Variants in TEX48 observed in about 807,000 individuals in gnomAD.
The protein encoded by TEX48 is testis expressed 48.
Under a neutral mutation model 13.2 loss-of-function variants are expected in TEX48, and 10 were observed. That is an observed-to-expected ratio of 0.75 (90% confidence interval 0.47 to 1.28). TEX48 has a LOEUF of 1.28. TEX48 is among the 50% of genes most tolerant of loss of function. The pLI is 0.00. For missense variants in TEX48, 116 were observed against 139.4 expected (o/e 0.83, Z 0.84); for synonymous variants, 45 against 52.3 (o/e 0.86, Z 0.60).
chr9:114,671,771 C>A lies in TEX48; in HGVS notation c.-48G>T, dbSNP rs1289902862. ...TCTGCCAGCTTTGTCTGCAGGGGTG[C>A]CTTGTTGAATCAGCCAGTCTTGAGT... On this transcript the variant is annotated 5_prime_UTR_variant, in exon 2 of 5. Coordinates refer to ENST00000436752, the MANE Select transcript of TEX48 (RefSeq NM_001199233.2). The A allele has an allele frequency of 6.5e-7, 1 of 1,534,724 alleles. No homozygotes were observed. Among genetic ancestry groups the A allele is most frequent in the East Asian group, 2.4e-5 (1 of 40,924 alleles).
intron 4 of TEX48, among the ~76,000 whole-genome samples, 173 bp from the exon 5 acceptor site, chr9:114,666,919 T>G (rs1827852037): frequency 6.6e-6 from 1 of 152,194 alleles, no homozygotes; most frequent in Non-Finnish European, 1.5e-5. Flanking sequence ...AGGAGGAGTT[T>G]CTTGCAGTGT....
At chr9:114,668,018 T>G (rs1207385019) in intron 4 of TEX48, among the ~76,000 whole-genome samples, 188 bp downstream of exon 4, 4 of 151,676 alleles carry the variant, frequency 2.6e-5, no homozygotes, top group Non-Finnish European at 4.4e-5. Context: ...GCTTGGAAGA[T>G]AGTGGAGTCA....
chr9:114,679,974 T>A (rs1828156195), intron 1 of TEX48, among the ~76,000 whole-genome samples: 1 of 152,108 alleles, frequency 6.6e-6, no homozygotes. Flanking sequence ...CCTGGATTAA[T>A]ATCACAGGTG....
chr9:114,672,666 T>A (rs1187471662), intron 1 of TEX48, among the ~76,000 whole-genome samples: 1 of 152,324 alleles, frequency 6.6e-6, no homozygotes, highest in South Asian at 2.1e-4. Flanking sequence ...ACTGGTCTCC[T>A]TATTTCTCTT....
intron 3 of TEX48, among the ~76,000 whole-genome samples, chr9:114,669,505 G>T (rs1393318570): frequency 2.0e-5 from 3 of 151,788 alleles, no homozygotes; most frequent in Non-Finnish European, 1.5e-5. Context: ...GCGATGGCAC[G>T]ATCTCGGCTC....
chr9:114,680,159 C>CTTTTTT (rs1828164098), intron 1 of TEX48, among the ~76,000 whole-genome samples: 2 of 83,658 alleles, frequency 2.4e-5, no homozygotes, highest in Non-Finnish European at 4.4e-5. Flanking sequence ...TGGAGTTTTG[C>CTTTTTT]TCTTGTTGCC....
intron 3 of TEX48, 78 bp downstream of exon 3, chr9:114,671,305 G>C: frequency 6.7e-7 from 1 of 1,482,204 alleles, no homozygotes; most frequent in Admixed American, 2.0e-5. Flanking sequence ...AAGGCAGTTT[G>C]GGGGTATCCC....
chr9:114,674,632 TC>T (rs1204902132), intron 1 of TEX48, among the ~76,000 whole-genome samples: 71 of 133,066 alleles, frequency 5.3e-4, no homozygotes, highest in African/African-American at 1.9e-3. Flanking sequence ...CTTCCTTCCT[TC>T]CTTCCTTCCT....
intron 1 of TEX48, among the ~76,000 whole-genome samples, chr9:114,678,174 A>G (rs1175689467): frequency 1.3e-5 from 2 of 151,356 alleles, no homozygotes; most frequent in East Asian, 3.9e-4. Flanking sequence ...AGAAAAAGAT[A>G]AAAAAGACCT....
At chr9:114,671,532 A>AG (rs1827946974) in intron 2 of TEX48, 27 bp from the exon 3 acceptor site, 4 of 1,408,328 alleles carry the variant, frequency 2.8e-6, no homozygotes, top group South Asian at 1.2e-5. Context: ...AATGAGGGGC[A>AG]TGGGTTCCGG....
At chr9:114,677,331 C>T (rs1158254720) in intron 1 of TEX48, among the ~76,000 whole-genome samples, 3 of 151,146 alleles carry the variant, frequency 2.0e-5, no homozygotes, top group African/African-American at 7.3e-5. Flanking sequence ...TGATGTATTT[C>T]ATTGAGTTCT....
chr9:114,679,661 G>A (rs1227952223), intron 1 of TEX48, among the ~76,000 whole-genome samples: 1 of 152,160 alleles, frequency 6.6e-6, no homozygotes, highest in Admixed American at 6.5e-5. Flanking sequence ...CCATTCCAGT[G>A]CATGATTCTC....
intron 1 of TEX48, among the ~76,000 whole-genome samples, chr9:114,672,133 C>A (rs551420263): frequency 7.2e-5 from 11 of 152,312 alleles, no homozygotes; most frequent in African/African-American, 2.4e-4. Flanking sequence ...AGTGCTCAAT[C>A]AATGGTCATT....
At chr9:114,674,995 T>G (rs1259709262) in intron 1 of TEX48, among the ~76,000 whole-genome samples, 1 of 152,036 alleles carries the variant, frequency 6.6e-6, no homozygotes, top group African/African-American at 2.4e-5. Context: ...TCTACATAAT[T>G]TGCTAAATTA....
intron 4 of TEX48, among the ~76,000 whole-genome samples, chr9:114,667,339 C>T (rs548305512): frequency 9.2e-5 from 14 of 152,314 alleles, no homozygotes; most frequent in South Asian, 4.1e-4. Context: ...ATAGAACTGG[C>T]GCCCAGCAAT....
chr9:114,677,109 C>T (rs1406136732), intron 1 of TEX48, among the ~76,000 whole-genome samples: 2 of 152,164 alleles, frequency 1.3e-5, no homozygotes, highest in Non-Finnish European at 2.9e-5. Flanking sequence ...TGGTTAGATA[C>T]GATGCGGGCT....
chr9:114,667,905 CAAA>C (rs1176250476), intron 4 of TEX48, among the ~76,000 whole-genome samples: 2 of 60,514 alleles, frequency 3.3e-5, no homozygotes, highest in Non-Finnish European at 2.9e-5. Context: ...GACTCCATCT[CAAA>C]AAAAAAAAAA....
At chr9:114,676,506 T>C (rs1057499901) in intron 1 of TEX48, among the ~76,000 whole-genome samples, 2 of 151,864 alleles carry the variant, frequency 1.3e-5, no homozygotes, top group African/African-American at 2.4e-5. Flanking sequence ...TTATTTCACA[T>C]GTATTTACTG....
At chr9:114,672,768 G>C (rs770252355) in intron 1 of TEX48, among the ~76,000 whole-genome samples, 3 of 151,896 alleles carry the variant, frequency 2.0e-5, no homozygotes, top group Non-Finnish European at 4.4e-5. Flanking sequence ...TCCAAGGATA[G>C]GAAAAAATGG....
Sources: gnomAD v4.1 joint callset for allele counts (sites outside exome capture counted in the v4.1 genomes callset) on GRCh38, gnomAD v4.1.1 for gene constraint, MANE v1.5 for transcripts, NCBI Gene and HGNC (gene_info 2026-07-23, HGNC 2026-07-21) for gene names.